EYA1: variants seen among roughly 807,000 people sequenced by gnomAD.
The protein encoded by EYA1 is EYA transcriptional coactivator and phosphatase 1.
In EYA1, 16 loss-of-function variants were observed where a neutral mutation model predicts 82.0. The ratio of observed to expected loss-of-function variants is 0.20; its 90% CI spans 0.13 to 0.30. The LOEUF (loss-of-function observed/expected upper bound fraction) is 0.30. Among genes scored for constraint, EYA1 ranks in the 10% least tolerant of loss-of-function variants. The pLI is 1.00. For missense variants in EYA1, 633 were observed against 730.7 expected, an observed-to-expected ratio of 0.87 and a Z score of 1.54; for synonymous variants, 261 against 264.4, an observed-to-expected ratio of 0.99 and a Z score of 0.12.
chr8:71,346,342 A>G (rs560621805), intron 3 of EYA1, among the ~76,000 whole-genome samples: 1 of 151,026 alleles, frequency 6.6e-6, no homozygotes, highest in African/African-American at 2.4e-5. Flanking sequence ...CAAATTAGCA[A>G]TGTAATTGTG....
At chr8:71,272,140 G>A (rs1261376363) in intron 9 of EYA1, among the ~76,000 whole-genome samples, 1 of 152,212 alleles carries the variant, frequency 6.6e-6, no homozygotes, top group African/African-American at 2.4e-5. Context: ...GCAACAGGTT[G>A]TACAAGGTTG....
At chr8:71,500,033 A>G (rs1238539294) in intron 2 of EYA1, among the ~76,000 whole-genome samples, 3 of 152,198 alleles carry the variant, frequency 2.0e-5, no homozygotes, top group Non-Finnish European at 2.9e-5. Flanking sequence ...GTGAATGGGA[A>G]AGGAACCGAA....
intron 2 of EYA1, among the ~76,000 whole-genome samples, chr8:71,445,097 G>A (rs936789478): frequency 1.3e-5 from 2 of 152,088 alleles, no homozygotes; most frequent in Non-Finnish European, 2.9e-5. Context: ...TTTATGTTAT[G>A]TTATTTTATT....
chr8:71,347,255 C>G (rs774675001), intron 3 of EYA1, among the ~76,000 whole-genome samples: 1 of 152,208 alleles, frequency 6.6e-6, no homozygotes, highest in Admixed American at 6.5e-5. Flanking sequence ...ATTGTATTCA[C>G]AGACTGGTCA....
intron 2 of EYA1, among the ~76,000 whole-genome samples, chr8:71,367,919 A>G (rs1421052668): frequency 6.6e-6 from 1 of 152,218 alleles, no homozygotes; most frequent in Non-Finnish European, 1.5e-5. Flanking sequence ...TGCAACCCAA[A>G]TGTAAGTACA....
intron 12 of EYA1, among the ~76,000 whole-genome samples, chr8:71,231,245 C>T (rs1157724319): frequency 6.6e-6 from 1 of 152,208 alleles, no homozygotes; most frequent in Non-Finnish European, 1.5e-5. Flanking sequence ...TTTGACTTTA[C>T]AATACAACTC....
chr8:71,297,012 A>T (rs533200237), intron 9 of EYA1, among the ~76,000 whole-genome samples: 13 of 152,278 alleles, frequency 8.5e-5, no homozygotes, highest in African/African-American at 2.9e-4. Flanking sequence ...AACACAAGAA[A>T]GGCTGATCCA....
At chr8:71,242,921 G>A (rs1812661305) in intron 12 of EYA1, among the ~76,000 whole-genome samples, 1 of 151,640 alleles carries the variant, frequency 6.6e-6, no homozygotes, top group African/African-American at 2.4e-5. Flanking sequence ...GGGATTACAA[G>A]CATTGGCCAC....
chr8:71,417,650 A>G (rs1247581409), intron 2 of EYA1, among the ~76,000 whole-genome samples: 1 of 152,166 alleles, frequency 6.6e-6, no homozygotes, highest in Admixed American at 6.5e-5. Flanking sequence ...TGCTACTGGC[A>G]TCTAATGGGT....
At position 71,299,997 on chromosome 8, in the gene EYA1, T is replaced by C. The variant is rs181282764; in HGVS notation, c.557-277A>G. Among the ~76,000 whole-genome samples the C allele has an allele frequency of 6.6e-5, 10 of 152,340 alleles. No homozygotes were observed. In the East Asian group the frequency reaches 1.5e-3, roughly 23 times the overall value. The stretch of plus-strand genomic sequence containing the variant: ...TGTGTAAAAATATTAGACAATGAAC[T>C]TTTCAATTTGCAAAACACACCAAGA... On this transcript the variant is annotated intron_variant, in intron 7 of 17. Coordinates refer to ENST00000340726, the MANE Select transcript of EYA1 (RefSeq NM_000503.6).
chr8:71,354,748 G>T (rs112830610), intron 3 of EYA1, 34 bp downstream of exon 3: 1 of 1,606,072 alleles, frequency 6.2e-7, no homozygotes, highest in East Asian at 2.2e-5. Flanking sequence ...AAGAAACAAG[G>T]TGCAAAGTAA....
chr8:71,361,667 C>G lies in EYA1; in HGVS notation c.-75G>C, dbSNP rs558296770. Reference sequence around the variant, plus strand: ...CTTACAGCGCTTACATCTGCTGCATCCACCAGTTTAATGTGTTCCTTCGAA... The same window carrying G: ...CTTACAGCGCTTACATCTGCTGCATGCACCAGTTTAATGTGTTCCTTCGAA... On this transcript the variant is annotated 5_prime_UTR_variant, in exon 1 of 18. Transcript: ENST00000340726. 21 of 985,468 alleles carry G rather than the reference C, an allele frequency of 2.1e-5. No homozygotes were observed. The East Asian group carries it at 1.6e-3, about 74-fold the overall frequency. The allele number at this position is 985,468 out of a possible 1,614,324, so 61.0% of individuals were successfully genotyped here.
At chr8:71,457,718 A>C (rs1175020608) in intron 2 of EYA1, among the ~76,000 whole-genome samples, 1 of 152,206 alleles carries the variant, frequency 6.6e-6, no homozygotes, top group Non-Finnish European at 1.5e-5. Flanking sequence ...CAATGAGAAC[A>C]CTTGGACACA....
chr8:71,221,111 A>AAATT (rs1176574210), intron 12 of EYA1, among the ~76,000 whole-genome samples: 2 of 152,240 alleles, frequency 1.3e-5, no homozygotes, highest in Non-Finnish European at 2.9e-5. Context: ...TGAAGAATTA[A>AAATT]AATTATATTT....
At chr8:71,260,725 AG>A (rs1170168467) in intron 11 of EYA1, among the ~76,000 whole-genome samples, 1 of 152,206 alleles carries the variant, frequency 6.6e-6, no homozygotes, top group African/African-American at 2.4e-5. Context: ...TGGGCAGCTA[AG>A]CCTCCCTGGC....
intron 1 of EYA1, among the ~76,000 whole-genome samples, chr8:71,542,025 C>T (rs1460395733): frequency 6.6e-6 from 1 of 152,098 alleles, no homozygotes; most frequent in Non-Finnish European, 1.5e-5. Context: ...GATGAATTTT[C>T]TTACTTTATT....
chr8:71,406,452 A>G (rs545481433), intron 2 of EYA1, among the ~76,000 whole-genome samples: 1 of 152,294 alleles, frequency 6.6e-6, no homozygotes, highest in South Asian at 2.1e-4. Flanking sequence ...CTGCATTTCC[A>G]TCTGAGGTAC....
At chr8:71,203,364 A>AGAT (rs1464108256) in intron 17 of EYA1, among the ~76,000 whole-genome samples, 1 of 152,230 alleles carries the variant, frequency 6.6e-6, no homozygotes, top group African/African-American at 2.4e-5. Flanking sequence ...CCAGCAGGCA[A>AGAT]GATATAACTG....
intron 12 of EYA1, among the ~76,000 whole-genome samples, chr8:71,229,582 G>T (rs1810958414): frequency 6.6e-6 from 1 of 152,152 alleles, no homozygotes; most frequent in Admixed American, 6.5e-5. Context: ...TGAAAGAATT[G>T]ATGACCCAAT....
Sources: allele counts gnomAD v4.1 joint callset (sites outside exome capture counted in the v4.1 genomes callset), GRCh38; gene constraint gnomAD v4.1.1; transcripts MANE v1.5; gene names NCBI Gene and HGNC (gene_info 2026-07-23, HGNC 2026-07-21).